Variants in LRRC7 observed in about 807,000 individuals in gnomAD.
The protein encoded by LRRC7 is leucine-rich repeat-containing protein 7.
In LRRC7, 23 loss-of-function variants were observed where a neutral mutation model predicts 175.7. That is an observed-to-expected ratio of 0.13 (90% CI 0.09 to 0.19). The LOEUF (loss-of-function observed/expected upper bound fraction) is 0.19. Among genes scored for constraint, LRRC7 ranks in the 10% least tolerant of loss-of-function variants. The probability of loss-of-function intolerance (pLI) is 1.00; values close to 1 mark genes in which losing one functional copy is unlikely to be tolerated. For synonymous variants in LRRC7, 685 were observed against 680.9 expected (o/e 1.01, Z -0.09); for missense variants, 1,354 against 1,904.7 (o/e 0.71, Z 5.38).
intron 18 of LRRC7, among the ~76,000 whole-genome samples, chr1:70,033,827 G>A (rs527951136): frequency 6.2e-5 from 9 of 144,642 alleles, no homozygotes; most frequent in Admixed American, 2.1e-4. Flanking sequence ...CAGCTATTTG[G>A]ATTGCTTTTT....
chr1:69,891,420 T>C lies in LRRC7; in HGVS notation c.648-40087T>C, dbSNP rs1645829202. The stretch of plus-strand genomic sequence containing the variant: ...TCATGGCTCCCCAAAACAATTACAA[T>C]AGTAGTAACATCAAATATCACTGAT... On this transcript the variant is annotated intron_variant, in intron 7 of 26. Transcript: ENST00000651989. Among the ~76,000 whole-genome samples, 3 of 152,276 alleles carry C rather than the reference T, an allele frequency of 2.0e-5. No individual in the cohort carries two copies. The South Asian group carries it at 6.2e-4, about 32-fold the overall frequency.
intron 2 of LRRC7, among the ~76,000 whole-genome samples, chr1:69,717,909 G>A (rs1665732651): frequency 1.3e-5 from 1 of 76,114 alleles, no homozygotes; most frequent in African/African-American, 6.1e-5. Context: ...GAAGGAGGGA[G>A]AGAAAGAGAG....
At chr1:69,669,562 G>A (rs548371175) in intron 1 of LRRC7, among the ~76,000 whole-genome samples, 40 of 152,202 alleles carry the variant, frequency 2.6e-4, no homozygotes, top group Middle Eastern at 3.4e-3. Flanking sequence ...TATTTGGATT[G>A]AATCTGCTTT....
intron 7 of LRRC7, among the ~76,000 whole-genome samples, chr1:69,924,724 A>T (rs1172605033): frequency 6.6e-6 from 1 of 152,198 alleles, no homozygotes; most frequent in Non-Finnish European, 1.5e-5. Flanking sequence ...TTTCCTAGAT[A>T]TACAATCATG....
chr1:69,817,409 T>G (rs1678726613), intron 4 of LRRC7, among the ~76,000 whole-genome samples: 1 of 152,074 alleles, frequency 6.6e-6, no homozygotes, highest in East Asian at 1.9e-4. Context: ...ATTGTGTTTT[T>G]GGTACATTTG....
At position 70,140,416 on chromosome 1, in the gene LRRC7, C is replaced by A. The variant is rs1667019487; in HGVS notation, c.*18529C>A. 1 of 151,952 alleles carries A rather than the reference C, an allele frequency of 6.6e-6. No individual in the cohort carries two copies. Among genetic ancestry groups the A allele is most frequent in the African/African-American group, 2.4e-5 (1 of 41,426 alleles). 9.4% of individuals were successfully genotyped at this position (151,952 alleles called of 1,614,324 possible). The stretch of plus-strand genomic sequence containing the variant: ...ATTGATCTGGCCACATAAGGAACAT[C>A]CTGTTTCTTTAAATCCTCAATGCTT... On this transcript the variant is annotated 3_prime_UTR_variant, in exon 27 of 27. Coordinates refer to ENST00000651989, the MANE Select transcript of LRRC7 (RefSeq NM_001370785.2).
chr1:69,657,068 C>T (rs1395065592), intron 1 of LRRC7, among the ~76,000 whole-genome samples: 1 of 151,558 alleles, frequency 6.6e-6, no homozygotes, highest in Non-Finnish European at 1.5e-5. Context: ...TTATTGTAAA[C>T]CTCCACAGTC....
At chr1:69,906,560 A>T (rs1345282247) in intron 7 of LRRC7, among the ~76,000 whole-genome samples, 1 of 152,210 alleles carries the variant, frequency 6.6e-6, no homozygotes, top group Non-Finnish European at 1.5e-5. Context: ...GTCAAAGATC[A>T]GATGGTTGTA....
chr1:69,608,891 TATATATATACACAC>T (rs1648222262), intron 1 of LRRC7, among the ~76,000 whole-genome samples: 2 of 132,186 alleles, frequency 1.5e-5, no homozygotes, highest in African/African-American at 2.9e-5. Context: ...TATATATATA[TATATATATACACAC>T]ACACACACAT....
intron 2 of LRRC7, among the ~76,000 whole-genome samples, chr1:69,687,520 C>CAAAAAAAAAAAAAAAAAAAAAAAAAACAA (rs551726376): frequency 1.0e-5 from 1 of 96,892 alleles, no homozygotes; most frequent in African/African-American, 4.0e-5. Context: ...AAGAAAAAAC[C>CAAAAAAAAAAAAAAAAAAAAAAAAAACAA]AAAAAAAAAA....
At chr1:69,916,742 T>C (rs1646730089) in intron 7 of LRRC7, among the ~76,000 whole-genome samples, 1 of 152,066 alleles carries the variant, frequency 6.6e-6, no homozygotes, top group South Asian at 2.1e-4. Flanking sequence ...CGTCACTGGT[T>C]GAGAAGCTAT....
intron 7 of LRRC7, among the ~76,000 whole-genome samples, chr1:69,927,328 G>C (rs1647112892): frequency 6.6e-6 from 1 of 152,130 alleles, no homozygotes; most frequent in Admixed American, 6.6e-5. Flanking sequence ...GGCGTTCTCT[G>C]TATTTCCTGA....
At chr1:69,817,697 T>C (rs943000847) in intron 4 of LRRC7, among the ~76,000 whole-genome samples, 1 of 152,126 alleles carries the variant, frequency 6.6e-6, no homozygotes, top group African/African-American at 2.4e-5. Context: ...GGAATTGCAT[T>C]TAATCTGTGA....
chr1:69,677,537 G>C (rs938784363), intron 1 of LRRC7, among the ~76,000 whole-genome samples: 1 of 151,926 alleles, frequency 6.6e-6, no homozygotes, highest in Non-Finnish European at 1.5e-5. Context: ...CCCAACAGCA[G>C]TGTATAAGTG....
At chr1:70,043,063 G>A (rs1660049677) in intron 21 of LRRC7, among the ~76,000 whole-genome samples, 2 of 151,802 alleles carry the variant, frequency 1.3e-5, no homozygotes, top group South Asian at 4.2e-4. Context: ...CATTTCCATT[G>A]TAGATTGAAG....
At chr1:70,006,306 A>G (rs1362125205) in intron 11 of LRRC7, among the ~76,000 whole-genome samples, 1 of 151,992 alleles carries the variant, frequency 6.6e-6, no homozygotes, top group Non-Finnish European at 1.5e-5. Flanking sequence ...TCTGCAGAGT[A>G]GTGCGGGACT....
At chr1:70,082,064 C>G (rs1663248735) in intron 24 of LRRC7, among the ~76,000 whole-genome samples, 1 of 152,148 alleles carries the variant, frequency 6.6e-6, no homozygotes, top group Admixed American at 6.5e-5. Context: ...AAACAGTTAG[C>G]TGAGAGACAG....
intron 1 of LRRC7, among the ~76,000 whole-genome samples, chr1:69,599,531 A>G (rs1646970255): frequency 6.6e-6 from 1 of 152,216 alleles, no homozygotes; most frequent in African/African-American, 2.4e-5. Flanking sequence ...AAGATCTCTG[A>G]TTATATATGC....
In LRRC7 at chr1:69,972,746, G is replaced by A. The variant is rs910983102; in HGVS notation, c.712-7633G>A. Among the ~76,000 whole-genome samples the A allele has an allele frequency of 2.0e-5, 3 of 151,856 alleles. No individual in the cohort carries two copies. In the East Asian group the frequency reaches 5.8e-4, roughly 29 times the overall value. ...AGAGCTAAAAGTAGAACTACCGTCT[G>A]ATCCAGCAATCCCACTACTGGGTAT... On this transcript the variant is annotated intron_variant, in intron 8 of 26. Coordinates refer to ENST00000651989, the MANE Select transcript of LRRC7 (RefSeq NM_001370785.2).
Sources: allele counts gnomAD v4.1 joint callset (sites outside exome capture counted in the v4.1 genomes callset), GRCh38; gene constraint gnomAD v4.1.1; transcripts MANE v1.5; gene names NCBI Gene and HGNC (gene_info 2026-07-23, HGNC 2026-07-21).